Variants in CPPED1 observed in about 807,000 individuals in gnomAD.
CPPED1 encodes calcineurin like phosphoesterase domain containing 1.
In CPPED1, 28 loss-of-function variants were observed where a neutral mutation model predicts 28.0. The ratio of observed to expected loss-of-function variants is 1.00; its 90% CI spans 0.74 to 1.37. The LOEUF (loss-of-function observed/expected upper bound fraction) is 1.37. Among genes scored for constraint, CPPED1 ranks in the 40% most tolerant of loss-of-function variants. CPPED1 has a pLI of 0.00. For missense variants in CPPED1, 504 were observed against 416.5 expected, an observed-to-expected ratio of 1.21 and a Z score of -1.83; for synonymous variants, 198 against 180.2, an observed-to-expected ratio of 1.10 and a Z score of -0.79.
At chr16:12,706,784 C>T (rs2080053698) in intron 2 of CPPED1, among the ~76,000 whole-genome samples, 1 of 152,096 alleles carries the variant, frequency 6.6e-6, no homozygotes, top group African/African-American at 2.4e-5. Flanking sequence ...CCTGCTTCCA[C>T]AGGAGGCTGA....
intron 2 of CPPED1, among the ~76,000 whole-genome samples, chr16:12,721,058 C>T (rs533282092): frequency 6.6e-6 from 1 of 152,256 alleles, no homozygotes; most frequent in South Asian, 2.1e-4. Flanking sequence ...TTTTAATATA[C>T]TACAATTTAT....
intron 2 of CPPED1, among the ~76,000 whole-genome samples, chr16:12,727,748 A>C (rs186800773): frequency 6.6e-6 from 1 of 152,340 alleles, no homozygotes; most frequent in Non-Finnish European, 1.5e-5. Context: ...ATAACCCTGC[A>C]CTAAAGAACA....
In CPPED1 at chr16:12,742,479, T is replaced by C. The variant is rs11863307; in HGVS notation, c.290-37430A>G. Among the ~76,000 whole-genome samples, 1,229 of 152,330 alleles carry C rather than the reference T, an allele frequency of 8.1e-3. 19 individuals are homozygous for C. Among genetic ancestry groups the C allele is most frequent in the East Asian group, 0.062 (323 of 5,180 alleles). On this transcript the variant is annotated intron_variant, in intron 2 of 3. Transcript: ENST00000381774. ...GATATGGGAAAATTTATTTCACTCA[T>C]TGCAAAAACATAAAATCTATCTGCT...
At chr16:12,794,842 G>A (rs1229705084) in intron 1 of CPPED1, among the ~76,000 whole-genome samples, 6 of 152,152 alleles carry the variant, frequency 3.9e-5, no homozygotes, top group African/African-American at 1.4e-4. Flanking sequence ...CTGAGTCATG[G>A]CTTGGCTGCC....
intron 2 of CPPED1, chr16:12,760,247 C>T (rs538610862): frequency 6.6e-6 from 1 of 152,296 alleles, no homozygotes; most frequent in South Asian, 2.1e-4. Context: ...GCAAATACCA[C>T]ACTATTTTAT....
intron 1 of CPPED1, among the ~76,000 whole-genome samples, chr16:12,800,260 G>A (rs955360129): frequency 5.3e-5 from 8 of 152,112 alleles, no homozygotes; most frequent in African/African-American, 9.7e-5. Context: ...CCAACATGGC[G>A]AAACCCTGTC....
intron 1 of CPPED1, among the ~76,000 whole-genome samples, chr16:12,794,710 G>A (rs2060360): frequency 0.043 from 6,558 of 152,186 alleles, 220 homozygotes; most frequent in East Asian, 0.14. Context: ...AAAAAGTTTC[G>A]GTCGGATCTT....
intron 2 of CPPED1, among the ~76,000 whole-genome samples, chr16:12,766,346 T>A (rs2080439438): frequency 6.6e-6 from 1 of 150,832 alleles, no homozygotes. Context: ...GTGCTGCTGA[T>A]AAAGACATAC....
At chr16:12,688,848 C>T (rs1413215976) in intron 3 of CPPED1, among the ~76,000 whole-genome samples, 2 of 152,078 alleles carry the variant, frequency 1.3e-5, no homozygotes, top group African/African-American at 4.8e-5. Context: ...AATACCTGAC[C>T]CCAATGTCAA....
chr16:12,752,031 T>C (rs967862281), intron 2 of CPPED1, among the ~76,000 whole-genome samples: 2 of 152,134 alleles, frequency 1.3e-5, no homozygotes, highest in South Asian at 4.1e-4. Context: ...TTTGTCTGAC[T>C]CCCCAGGTCA....
chr16:12,741,060 C>A (rs913528779), intron 2 of CPPED1, among the ~76,000 whole-genome samples: 1 of 152,142 alleles, frequency 6.6e-6, no homozygotes, highest in African/African-American at 2.4e-5. Context: ...TAACAGTGCC[C>A]TTTCTAAAAC....
At position 12,803,857 on chromosome 16, in the gene CPPED1, T is replaced by G; in HGVS notation, c.-81A>C. ...CTTCACACAGAACAACCGCTGGACC[T>G]GTCCCGCTTTGGGCGACGCCCTTTG... On this transcript the variant is annotated 5_prime_UTR_variant, in exon 1 of 4. Transcript: ENST00000381774. 1.1e-5 allele frequency: 14 copies of G among 1,302,976 alleles called. No individual in the cohort carries two copies. The highest frequency in any genetic ancestry group is 1.3e-5 in the Non-Finnish European group (12 of 958,008). 80.7% of individuals were successfully genotyped at this position (1,302,976 alleles called of 1,614,324 possible). A position where few individuals can be genotyped will look rare whatever the true frequency, so the allele number is the denominator to read the frequency against.
At chr16:12,798,188 C>G (rs565637398) in intron 1 of CPPED1, among the ~76,000 whole-genome samples, 7 of 152,220 alleles carry the variant, frequency 4.6e-5, no homozygotes, top group African/African-American at 1.4e-4. Context: ...ATAGTGCAAA[C>G]TTTTTACATA....
At chr16:12,766,436 T>C (rs1464097158) in intron 2 of CPPED1, among the ~76,000 whole-genome samples, 3 of 143,880 alleles carry the variant, frequency 2.1e-5, no homozygotes, top group African/African-American at 8.6e-5. Flanking sequence ...TCTTACATGA[T>C]GGCAGCAAGA....
chr16:12,798,034 T>C (rs754163223), intron 1 of CPPED1, among the ~76,000 whole-genome samples: 2 of 152,096 alleles, frequency 1.3e-5, no homozygotes, highest in African/African-American at 2.4e-5. Flanking sequence ...AAATCAGCCA[T>C]GATCACACCA....
intron 2 of CPPED1, among the ~76,000 whole-genome samples, chr16:12,728,796 G>T (rs761568966): frequency 3.0e-4 from 45 of 152,154 alleles, no homozygotes; most frequent in Admixed American, 7.9e-4. Context: ...GTTCTGTGAG[G>T]CAAGAGGGTT....
At chr16:12,687,955 G>C (rs183617197) in intron 3 of CPPED1, among the ~76,000 whole-genome samples, 1 of 151,048 alleles carries the variant, frequency 6.6e-6, no homozygotes, top group East Asian at 1.9e-4. Context: ...GAAGAAGGAG[G>C]GAAGGAAGAA....
intron 2 of CPPED1, among the ~76,000 whole-genome samples, chr16:12,719,012 A>T (rs898679200): frequency 6.6e-6 from 1 of 152,080 alleles, no homozygotes; most frequent in African/African-American, 2.4e-5. Flanking sequence ...AGGCCTCACA[A>T]TCATGGCAGA....
intron 2 of CPPED1, among the ~76,000 whole-genome samples, chr16:12,728,767 G>A (rs1219904780): frequency 6.6e-6 from 1 of 152,190 alleles, no homozygotes; most frequent in Admixed American, 6.5e-5. Flanking sequence ...AACCAGGGAG[G>A]AGCAGTGAGG....
Sources: allele counts gnomAD v4.1 joint callset (sites outside exome capture counted in the v4.1 genomes callset), GRCh38; gene constraint gnomAD v4.1.1; transcripts MANE v1.5; gene names NCBI Gene and HGNC (gene_info 2026-07-23, HGNC 2026-07-21).